The following B4GALNT3 variants were observed in gnomAD, a reference collection of about 807,000 sequenced individuals.
B4GALNT3 encodes the protein beta-1,4-N-acetyl-galactosaminyltransferase 3.
B4GALNT3 carries 86 observed loss-of-function variants against 120.2 expected under a neutral mutation model. That is an observed-to-expected ratio of 0.72 (90% CI 0.60 to 0.86). The LOEUF is 0.86. B4GALNT3 is among the 40% of genes least tolerant of loss of function. B4GALNT3 has a pLI of 0.00. For synonymous variants in B4GALNT3, 518 were observed against 510.4 expected (o/e 1.01, Z -0.20); for missense variants, 1,167 against 1,298.9 (o/e 0.90, Z 1.56).
intron 3 of B4GALNT3, among the ~76,000 whole-genome samples, chr12:538,074 G>A (rs1946879062): frequency 1.3e-5 from 2 of 152,094 alleles, no homozygotes; most frequent in Non-Finnish European, 2.9e-5. Context: ...CATTTGGTCT[G>A]GTGATCCAGC....
At chr12:473,959 C>G (rs1565588042) in intron 1 of B4GALNT3, among the ~76,000 whole-genome samples, 1 of 152,128 alleles carries the variant, frequency 6.6e-6, no homozygotes, top group Non-Finnish European at 1.5e-5. Flanking sequence ...AGTCCTAAGA[C>G]AGATAACTCA....
At chr12:512,469 C>CACCTTCT (rs1946594883) in intron 1 of B4GALNT3, among the ~76,000 whole-genome samples, 1 of 129,608 alleles carries the variant, frequency 7.7e-6, no homozygotes, top group Non-Finnish European at 1.6e-5. Context: ...TTCCACCTTC[C>CACCTTCT]GCCCACCTTC....
intron 17 of B4GALNT3, 129 bp downstream of exon 17, chr12:558,217 G>T (rs1384898662): frequency 3.8e-6 from 4 of 1,043,920 alleles, no homozygotes; most frequent in East Asian, 2.6e-5. Flanking sequence ...GGTCCTCTCT[G>T]CTGTGCTGCA....
intron 1 of B4GALNT3, among the ~76,000 whole-genome samples, chr12:485,047 A>G (rs986107210): frequency 6.6e-6 from 1 of 152,180 alleles, no homozygotes; most frequent in East Asian, 1.9e-4. Context: ...TCCCTTTGGC[A>G]TGTTCTCCCC....
chr12:480,423 G>A (rs200125548), intron 1 of B4GALNT3, among the ~76,000 whole-genome samples: 8 of 76,592 alleles, frequency 1.0e-4, no homozygotes, highest in Middle Eastern at 8.8e-3. Flanking sequence ...AACACGGAAG[G>A]CTTGACGGTG....
In B4GALNT3 at chr12:544,945, T is replaced by A. The variant is rs1400651359; in HGVS notation, c.511T>A (p.Phe171Ile). The A allele has an allele frequency of 6.2e-7, 1 of 1,613,908 alleles. No homozygotes were observed. The highest frequency in any genetic ancestry group is 8.5e-7 in the Non-Finnish European group (1 of 1,179,994). Reference sequence around the variant, plus strand: ...ATGGACCAACTATGGCCTCCGCATCTTTGGCTACCTGCACCCCTTTACTGA... The same window carrying A: ...ATGGACCAACTATGGCCTCCGCATCATTGGCTACCTGCACCCCTTTACTGA... ...PKWTNYGLRIFGYLHPFTDGK... is the reference protein window; with the variant it reads ...PKWTNYGLRIIGYLHPFTDGK... Residue 171 changes from phenylalanine to isoleucine, a missense_variant, in exon 5 of 20, where the codon TTT (phenylalanine) becomes ATT (isoleucine). Phe to Ile is a conservative substitution (Grantham distance 21). Around this residue, in one of 3 missense-constraint regions of B4GALNT3, gnomAD observed 983 missense variants for 1,102.5 expected, o/e 0.89. Coordinates refer to ENST00000266383, the MANE Select transcript of B4GALNT3 (RefSeq NM_173593.4).
chr12:485,925 G>A (rs1363008669), intron 1 of B4GALNT3, among the ~76,000 whole-genome samples: 1 of 152,140 alleles, frequency 6.6e-6, no homozygotes, highest in East Asian at 1.9e-4. Context: ...GTAGGCAGAT[G>A]CAGAGAATCA....
At position 536,242 on chromosome 12, in the gene B4GALNT3, A is replaced by G. The variant is rs1284940436; in HGVS notation, c.298A>G (p.Ser100Gly). The G allele has an allele frequency of 6.2e-7, 1 of 1,614,128 alleles. No homozygotes were observed. Among genetic ancestry groups the G allele is most frequent in the Admixed American group, 1.7e-5 (1 of 60,024 alleles). The change falls in exon 3 of 20, where the codon AGC (serine) becomes GGC (glycine). Residue 100 changes from serine (S) to glycine (G), a missense_variant. Around this residue, in one of 3 missense-constraint regions of B4GALNT3, gnomAD observed 171 missense variants for 161.3 expected, o/e 1.06. Transcript: ENST00000266383. The stretch of plus-strand genomic sequence containing the variant: ...GGACCACGACATTGACCAAGGGGTG[A>G]GCAGTAACAGCAGCTACTTGAAGTG... ...LEDHDIDQGV[S>G]SNSSYLKWNK... is the part of the protein sequence containing the mutation.
intron 1 of B4GALNT3, among the ~76,000 whole-genome samples, chr12:461,083 C>T (rs959709579): frequency 1.3e-5 from 2 of 152,140 alleles, no homozygotes; most frequent in Non-Finnish European, 2.9e-5. Context: ...TACCATACCT[C>T]GGAGAGTCCC....
intron 1 of B4GALNT3, among the ~76,000 whole-genome samples, chr12:507,870 A>AG (rs1168552689): frequency 1.4e-4 from 20 of 142,660 alleles, no homozygotes; most frequent in Admixed American, 2.8e-4. Context: ...ATCCAGTAGT[A>AG]CCTTGGTGGA....
At chr12:463,588 G>GTATATAGCA (rs1385658977) in intron 1 of B4GALNT3, among the ~76,000 whole-genome samples, 46 of 152,292 alleles carry the variant, frequency 3.0e-4, no homozygotes, top group Middle Eastern at 6.8e-3. Context: ...ATATCAAAAT[G>GTATATAGCA]GTTGTAATAT....
At position 550,001 on chromosome 12, in the gene B4GALNT3, GC is replaced by G; in HGVS notation, c.997+91del. On this transcript the variant is annotated intron_variant, in intron 10 of 19. Coordinates refer to ENST00000266383, the MANE Select transcript of B4GALNT3 (RefSeq NM_173593.4). This position sits in a 1 kb window ranked among gnomAD's most constrained non-coding sequence, Gnocchi z 4.1. ...ATGGTGGAGAAGGCTTGAGAGACCT[GC>G]CAAGTATCCCAATCACCGTAGAACT... 7.8e-6 allele frequency: 11 copies of G among 1,409,618 alleles called. No homozygotes were observed. The highest frequency in any genetic ancestry group is 1.1e-5 in the Non-Finnish European group (11 of 1,035,998). The allele number at this position is 1,409,618 out of a possible 1,614,324, so 87.3% of individuals were successfully genotyped here. A position where few individuals can be genotyped will look rare whatever the true frequency, so the allele number is the denominator to read the frequency against.
chr12:467,942 T>G (rs1207150498), intron 1 of B4GALNT3, among the ~76,000 whole-genome samples: 1 of 152,190 alleles, frequency 6.6e-6, no homozygotes, highest in Non-Finnish European at 1.5e-5. Flanking sequence ...GTCGTGTTGG[T>G]TACTAGGAAG....
chr12:548,195 C>G lies in B4GALNT3; in HGVS notation c.787-36C>G. The G allele has an allele frequency of 1.2e-6, 2 of 1,610,818 alleles. No individual in the cohort carries two copies. Among genetic ancestry groups the G allele is most frequent in the Non-Finnish European group, 1.7e-6 (2 of 1,176,978 alleles). On this transcript the variant is annotated intron_variant, in intron 8 of 19. Transcript: ENST00000266383. The surrounding 1 kb of genome is among the most constrained non-coding windows in gnomAD (Gnocchi z 4.9). ...CCCCTGTTGGAAATCCAGCTACCTC[C>G]CACCTTCTGCATCTACCCTCTCTCT...
chr12:518,309 C>T (rs563579324), intron 1 of B4GALNT3, among the ~76,000 whole-genome samples: 1 of 152,170 alleles, frequency 6.6e-6, no homozygotes, highest in East Asian at 1.9e-4. Context: ...TTGGTATCCA[C>T]GACGGATTGA....
chr12:559,351 A>C lies in B4GALNT3; in HGVS notation c.2818A>C (p.Arg940=), dbSNP rs377461439. Reference sequence around the variant, plus strand: ...TGGCATCTACAAGTCTGACCTGGACAGGATTGGGGGCATGAACACCAAGGA... The same window carrying C: ...TGGCATCTACAAGTCTGACCTGGACCGGATTGGGGGCATGAACACCAAGGA... The part of the protein sequence containing the change: ...LLGIYKSDLD[R]IGGMNTKEFR... The change falls in exon 19 of 20, where the codon AGG becomes CGG. Residue 940 remains arginine, a synonymous_variant. Coordinates refer to ENST00000266383, the MANE Select transcript of B4GALNT3 (RefSeq NM_173593.4). 6 of 1,613,932 alleles carry C rather than the reference A, an allele frequency of 3.7e-6. No homozygotes were observed. In the African/African-American group the frequency reaches 6.7e-5, roughly 18 times the overall value.
At chr12:504,127 A>AC (rs1345594719) in intron 1 of B4GALNT3, among the ~76,000 whole-genome samples, 1 of 151,382 alleles carries the variant, frequency 6.6e-6, no homozygotes, top group African/African-American at 2.4e-5. Flanking sequence ...TTAAAAAAAA[A>AC]AAAGTGTTAA....
intron 1 of B4GALNT3, among the ~76,000 whole-genome samples, chr12:502,300 C>T (rs772242384): frequency 1.4e-4 from 22 of 152,204 alleles, no homozygotes; most frequent in Non-Finnish European, 2.6e-4. Flanking sequence ...CTGCAGCCCT[C>T]GGCATCAGGT....
Position 550,856 on chromosome 12 carries a change from C to A in B4GALNT3, c.998-66C>A. ...AATACAGAAAGGGCCCTGCTCAGGG[C>A]AGAGGACTTCAGCCCCAGTTTCGTG... On this transcript the variant is annotated intron_variant, in intron 10 of 19. Transcript: ENST00000266383. This position sits in a 1 kb window ranked among gnomAD's most constrained non-coding sequence, Gnocchi z 4.1. The A allele has an allele frequency of 1.5e-6, 2 of 1,302,652 alleles. No homozygotes were observed. The highest frequency in any genetic ancestry group is 1.3e-5 in the South Asian group (1 of 79,504). The allele number at this position is 1,302,652 out of a possible 1,614,324, so 80.7% of individuals were successfully genotyped here.
Sources: allele counts gnomAD v4.1 joint callset (sites outside exome capture counted in the v4.1 genomes callset), GRCh38; gene constraint gnomAD v4.1.1; regional missense constraint gnomAD v4.1.1; non-coding constraint Gnocchi (gnomAD v3.1); transcripts MANE v1.5; gene names NCBI Gene and HGNC (gene_info 2026-07-23, HGNC 2026-07-21).